Variants in SLC30A6 observed in about 807,000 individuals in gnomAD.
SLC30A6 encodes the protein zinc transporter 6.
A neutral mutation model predicts 63.0 loss-of-function variants in SLC30A6; 55 were observed. The ratio of observed to expected loss-of-function variants is 0.87; its 90% CI spans 0.70 to 1.09. SLC30A6 has a LOEUF of 1.09. SLC30A6 is among the 50% of genes least tolerant of loss of function. The pLI is 0.00. For synonymous variants in SLC30A6, 224 were observed against 186.1 expected (o/e 1.20, Z -1.66); for missense variants, 587 against 549.2 (o/e 1.07, Z -0.69).
chr2:32,183,859 GTAT>G (rs1363229497), intron 4 of SLC30A6, among the ~76,000 whole-genome samples: 3 of 152,084 alleles, frequency 2.0e-5, no homozygotes, highest in Non-Finnish European at 1.5e-5. Context: ...TGTTGTCAAG[GTAT>G]TATTAATATT....
intron 4 of SLC30A6, among the ~76,000 whole-genome samples, chr2:32,181,933 C>CTTTTTTT (rs34589397): frequency 1.4e-4 from 17 of 122,924 alleles, no homozygotes; most frequent in African/African-American, 3.4e-4. Flanking sequence ...TTTTTCTTTT[C>CTTTTTTT]TTTTTTTTTT....
chr2:32,169,721 T>C (rs1681023396), intron 1 of SLC30A6, among the ~76,000 whole-genome samples: 1 of 152,184 alleles, frequency 6.6e-6, no homozygotes. Flanking sequence ...GTTTGCCGTG[T>C]AGCCTATATT....
chr2:32,197,297 G>GTTTTT, intron 8 of SLC30A6, 47 bp from the exon 9 acceptor site: 1 of 1,479,780 alleles, frequency 6.8e-7, no homozygotes, highest in Non-Finnish European at 9.1e-7. Context: ...TCAGGTAGTG[G>GTTTTT]TTTTTTTTTC....
chr2:32,183,687 C>A (rs1476878485), intron 4 of SLC30A6, among the ~76,000 whole-genome samples: 1,331 of 109,416 alleles, frequency 0.012, no homozygotes, highest in Admixed American at 0.013. Context: ...GACTCTGTCT[C>A]AAAAAAAAAA....
intron 8 of SLC30A6, 51 bp downstream of exon 8, chr2:32,194,034 A>G (rs1683567132): frequency 6.8e-7 from 1 of 1,459,994 alleles, no homozygotes; most frequent in Non-Finnish European, 9.5e-7. Context: ...TCTCTCATAA[A>G]AACAAGCCTT....
At chr2:32,177,944 ATT>A (rs1042062133) in intron 4 of SLC30A6, among the ~76,000 whole-genome samples, 16 of 120,444 alleles carry the variant, frequency 1.3e-4, no homozygotes, top group Middle Eastern at 4.7e-3. Flanking sequence ...TTTTGAGTTA[ATT>A]TTTTTTTTTT....
chr2:32,201,800 G>A, intron 10 of SLC30A6: 3 of 1,385,602 alleles, frequency 2.2e-6, no homozygotes, highest in Non-Finnish European at 3.0e-6. Flanking sequence ...CAGTGCTGGA[G>A]TGACAGAAGG....
At position 32,206,904 on chromosome 2, in the gene SLC30A6, A is replaced by G; in HGVS notation, c.787A>G (p.Ile263Val). ...TCCCCAGACAACACCACCCCATGTT[A>G]TTGGTCAGTTGGACAAACTCATCAG... ...VLLQTTPPHV[I>V]GQLDKLIREV... Residue 263 changes from isoleucine to valine, a missense_variant, in exon 12 of 14, where the codon ATT becomes GTT. Ile to Val is a conservative substitution (Grantham distance 29). Coordinates refer to ENST00000282587, the MANE Select transcript of SLC30A6 (RefSeq NM_017964.5). 1 of 1,611,572 alleles carries G rather than the reference A, an allele frequency of 6.2e-7. No homozygotes were observed. The highest frequency in any genetic ancestry group is 8.5e-7 in the Non-Finnish European group (1 of 1,177,780).
intron 4 of SLC30A6, among the ~76,000 whole-genome samples, chr2:32,180,190 C>T (rs919472834): frequency 3.9e-5 from 6 of 151,962 alleles, no homozygotes; most frequent in Non-Finnish European, 8.8e-5. Context: ...CTGCTTGAGC[C>T]CAGGAGTTCA....
intron 5 of SLC30A6, among the ~76,000 whole-genome samples, chr2:32,186,204 T>C (rs146468796): frequency 6.6e-6 from 1 of 152,246 alleles, no homozygotes; most frequent in African/African-American, 2.4e-5. Context: ...CCAGTTAATT[T>C]TTATAGTTTT....
intron 13 of SLC30A6, among the ~76,000 whole-genome samples, chr2:32,211,793 T>C (rs1430040415): frequency 5.9e-5 from 9 of 151,932 alleles, no homozygotes; most frequent in Non-Finnish European, 1.2e-4. Context: ...AATTTTTGTT[T>C]TTTTTTAGTA....
chr2:32,220,684 A>T lies in SLC30A6; in HGVS notation c.1357A>T (p.Asn453Tyr). Reference sequence around the variant, plus strand: ...AAATATACCAAGTAGATATGGAACTAATAATAGAATTGGACAACCAAGACC... The same window carrying T: ...AAATATACCAAGTAGATATGGAACTTATAATAGAATTGGACAACCAAGACC... ...FTNIPSRYGTNNRIGQPRP is the reference protein window; with the variant it reads ...FTNIPSRYGTYNRIGQPRP The change falls in exon 14 of 14, where the codon AAT becomes TAT. Residue 453 changes from asparagine (N) to tyrosine (Y), a missense_variant. By Grantham distance (143) the Asn-to-Tyr change is moderately radical. Coordinates refer to ENST00000282587, the MANE Select transcript of SLC30A6 (RefSeq NM_017964.5). 1 of 1,613,794 alleles carries T rather than the reference A, an allele frequency of 6.2e-7. No homozygotes were observed. The highest frequency in any genetic ancestry group is 1.1e-5 in the South Asian group (1 of 91,060).
intron 4 of SLC30A6, among the ~76,000 whole-genome samples, chr2:32,181,962 T>C (rs1355363015): frequency 7.1e-6 from 1 of 140,356 alleles, no homozygotes; most frequent in Admixed American, 7.4e-5. Flanking sequence ...TGAGACAGGG[T>C]ATTACTCTGT....
rs1413084443 is a variant in SLC30A6, at chr2:32,224,259, A to G, written c.*3546A>G. 3.4e-5 allele frequency: 17 copies of G among 496,534 alleles called. No homozygotes were observed. The highest frequency in any genetic ancestry group is 6.0e-5 in the Non-Finnish European group (17 of 282,922). 30.8% of individuals were successfully genotyped at this position (496,534 alleles called of 1,614,324 possible). ...TATACCAGTTGGTGTGACCCAGACCAAAGGTAACACAAAGATGAATGAGAA... is the reference window on the plus strand; with the variant it reads ...TATACCAGTTGGTGTGACCCAGACCGAAGGTAACACAAAGATGAATGAGAA... On this transcript the variant is annotated 3_prime_UTR_variant, in exon 14 of 14. Transcript: ENST00000282587.
intron 11 of SLC30A6, among the ~76,000 whole-genome samples, chr2:32,206,238 AGATC>A (rs940885796): frequency 5.3e-4 from 80 of 151,918 alleles, no homozygotes; most frequent in African/African-American, 1.8e-3. Context: ...CGAGGTCAGG[AGATC>A]AAGACCATCC....
At chr2:32,200,797 C>A (rs1156376152) in intron 10 of SLC30A6, among the ~76,000 whole-genome samples, 2 of 151,750 alleles carry the variant, frequency 1.3e-5, no homozygotes, top group South Asian at 2.1e-4. Flanking sequence ...CCTGCCAAGT[C>A]CCCCTCTGCG....
chr2:32,196,400 C>T (rs867943482), intron 8 of SLC30A6, among the ~76,000 whole-genome samples: 1 of 152,098 alleles, frequency 6.6e-6, no homozygotes, highest in South Asian at 2.1e-4. Flanking sequence ...ATATGCCAAG[C>T]ACTGCTAAAT....
chr2:32,201,418 G>A (rs978026638), intron 10 of SLC30A6, among the ~76,000 whole-genome samples: 4 of 152,130 alleles, frequency 2.6e-5, no homozygotes, highest in Admixed American at 6.6e-5. Flanking sequence ...AATAATTATC[G>A]CTCACTGGAA....
chr2:32,178,718 CTG>C (rs960957487), intron 4 of SLC30A6, among the ~76,000 whole-genome samples: 1 of 152,166 alleles, frequency 6.6e-6, no homozygotes, highest in Non-Finnish European at 1.5e-5. Context: ...TTCACTGTAA[CTG>C]TGAATGTTTA....
Sources: gnomAD v4.1 joint callset for allele counts (sites outside exome capture counted in the v4.1 genomes callset) on GRCh38, gnomAD v4.1.1 for gene constraint, MANE v1.5 for transcripts, NCBI Gene and HGNC (gene_info 2026-07-23, HGNC 2026-07-21) for gene names.